The following CDC25A variants were observed in gnomAD, a reference collection of about 807,000 sequenced individuals.
CDC25A encodes the protein M-phase inducer phosphatase 1.
In CDC25A, 17 loss-of-function variants were observed where a neutral mutation model predicts 64.6. That is an observed-to-expected ratio of 0.26 (90% CI 0.18 to 0.39). CDC25A has a LOEUF of 0.39. Among genes scored for constraint, CDC25A ranks in the 10% least tolerant of loss-of-function variants. CDC25A has a pLI of 1.00. For synonymous variants in CDC25A, 229 were observed against 238.6 expected (o/e 0.96, Z 0.37); for missense variants, 473 against 654.8 (o/e 0.72, Z 3.03).
rs143224137 is a variant in CDC25A at position 48,161,842 on chromosome 3, C to T, written c.1323-2387G>A. On this transcript the variant is annotated intron_variant, in intron 13 of 14. Transcript: ENST00000302506. ...TTGGGAGGCTGAGGCGGGTAGATCA[C>T]TTGAGGTCAGGAGTTCGAGACCAGC... Among the ~76,000 whole-genome samples the T allele has an allele frequency of 3.6e-3, 543 of 152,212 alleles. 3 individuals are homozygous for T. Among genetic ancestry groups the T allele is most frequent in the African/African-American group, 0.012 (511 of 41,508 alleles).
intron 1 of CDC25A, 89 bp downstream of exon 1, chr3:48,187,689 C>A: frequency 7.6e-7 from 1 of 1,310,546 alleles, no homozygotes; most frequent in South Asian, 1.4e-5. Context: ...CGGGTCTCGC[C>A]CTTCTCCCGG....
At position 48,170,499 on chromosome 3, in the gene CDC25A, G is replaced by C. The variant is rs1225225770; in HGVS notation, c.931-2555C>G. Among the ~76,000 whole-genome samples the C allele has an allele frequency of 2.6e-5, 4 of 152,196 alleles. No individual in the cohort carries two copies. The East Asian group carries it at 7.7e-4, about 29-fold the overall frequency. On this transcript the variant is annotated intron_variant, in intron 9 of 14. Transcript: ENST00000302506. Reference sequence around the variant, plus strand: ...GAAGACATGCATAGGGTGAGGTATGGGAGAAGGGACATGGAGCTGCCATGC... The same window carrying C: ...GAAGACATGCATAGGGTGAGGTATGCGAGAAGGGACATGGAGCTGCCATGC...
intron 6 of CDC25A, 67 bp downstream of exon 6, chr3:48,180,654 G>T (rs755127153): frequency 1.3e-5 from 20 of 1,555,946 alleles, no homozygotes; most frequent in Non-Finnish European, 1.8e-5. Context: ...TTCAATTCTG[G>T]ATGAAAGAAG....
chr3:48,185,448 G>A (rs1394898917), intron 2 of CDC25A, among the ~76,000 whole-genome samples: 2 of 150,644 alleles, frequency 1.3e-5, no homozygotes, highest in African/African-American at 2.4e-5. Context: ...AAAAGGCCAG[G>A]TGCAGTAGCT....
chr3:48,185,891 T>C (rs183768633), intron 2 of CDC25A, among the ~76,000 whole-genome samples: 2 of 152,324 alleles, frequency 1.3e-5, no homozygotes, highest in Admixed American at 1.3e-4. Context: ...AGTTCTATAT[T>C]AAATTACATT....
In CDC25A at chr3:48,174,312, T is replaced by C. The variant is rs201170431; in HGVS notation, c.902A>G (p.Glu301Gly). 2 of 1,613,766 alleles carry C rather than the reference T, an allele frequency of 1.2e-6. No individual in the cohort carries two copies. Among genetic ancestry groups the C allele is most frequent in the African/African-American group, 2.7e-5 (2 of 74,908 alleles). The change falls in exon 9 of 15, where the codon GAG (glutamate) becomes GGG (glycine). Residue 301 changes from glutamate to glycine, a missense_variant. Glu to Gly is a moderately conservative substitution (Grantham distance 98, BLOSUM62 -2). This residue lies in a region of CDC25A where 376 missense variants were observed against 431.9 expected (regional missense o/e 0.87). Coordinates refer to ENST00000302506, the MANE Select transcript of CDC25A (RefSeq NM_001789.3). ...ATGGGCCTTCTCTGGATTAGTTGAC[T>C]CTTTGGGGCTGGCCCCAGACATGCT... ...RKSMSGASPKESTNPEKAHET... is the reference protein window; with the variant it reads ...RKSMSGASPKGSTNPEKAHET...
chr3:48,161,908 AAC>A (rs2031782615), intron 13 of CDC25A, among the ~76,000 whole-genome samples: 1 of 152,080 alleles, frequency 6.6e-6, no homozygotes, highest in African/African-American at 2.4e-5. Context: ...TAAAAATACA[AAC>A]ATTAGCTTGG....
intron 5 of CDC25A, chr3:48,181,756 T>C (rs2106754728): frequency 1.4e-6 from 1 of 714,340 alleles, no homozygotes; most frequent in East Asian, 2.5e-5. Flanking sequence ...ATGTTCACAT[T>C]TTAAAGTTCT....
chr3:48,165,446 G>C (rs898784888), intron 12 of CDC25A, among the ~76,000 whole-genome samples, 190 bp downstream of exon 12: 3 of 152,148 alleles, frequency 2.0e-5, no homozygotes, highest in Admixed American at 2.0e-4. Context: ...CAAGGTGGTA[G>C]AGAGTATTGC....
In CDC25A at chr3:48,187,938, C is replaced by T. The variant is rs914324994; in HGVS notation, c.10G>A (p.Gly4Ser). 1 of 1,506,002 alleles carries T rather than the reference C, an allele frequency of 6.6e-7. No homozygotes were observed. The highest frequency in any genetic ancestry group is 8.8e-7 in the Non-Finnish European group (1 of 1,131,050). 93.3% of individuals were successfully genotyped at this position (1,506,002 alleles called of 1,614,324 possible). A position where few individuals can be genotyped will look rare whatever the true frequency, so the allele number is the denominator to read the frequency against. The change falls in exon 1 of 15, where the codon GGC (glycine) becomes AGC (serine). Residue 4 changes from glycine (G) to serine (S), a missense_variant. Physicochemically the swap from Gly to Ser is moderately conservative, Grantham distance 56. Coordinates refer to ENST00000302506, the MANE Select transcript of CDC25A (RefSeq NM_001789.3). Reference sequence around the variant, plus strand: ...CGGCGGCGGTGCGGGGGCTCCGGGCCCAGTTCCATGGCGGCGCCCGGCCTC... The same window carrying T: ...CGGCGGCGGTGCGGGGGCTCCGGGCTCAGTTCCATGGCGGCGCCCGGCCTC... MEL[G>S]PEPPHRRRLL...
At chr3:48,176,517 ATG>A (rs1219755603) in intron 8 of CDC25A, among the ~76,000 whole-genome samples, 3 of 110,516 alleles carry the variant, frequency 2.7e-5, no homozygotes, top group Admixed American at 1.1e-4. Flanking sequence ...TATACTGTGT[ATG>A]TGTGTGTGTG....
In CDC25A at chr3:48,165,815, A is replaced by C. The variant is rs369133859; in HGVS notation, c.1092+16T>G. On this transcript the variant is annotated intron_variant, in intron 11 of 14. Transcript: ENST00000302506. ...AAGTACCCGATGTGTGGTGGGTTTCAAAAGGATGGACTTACAATTTCTGGA... is the reference window on the plus strand; with the variant it reads ...AAGTACCCGATGTGTGGTGGGTTTCCAAAGGATGGACTTACAATTTCTGGA... 1 of 1,605,368 alleles carries C rather than the reference A, an allele frequency of 6.2e-7. No homozygotes were observed. The highest frequency in any genetic ancestry group is 8.5e-7 in the Non-Finnish European group (1 of 1,171,962).
chr3:48,165,954 C>G (rs2031995643), intron 10 of CDC25A, 61 bp from the exon 11 acceptor site: 13 of 1,129,476 alleles, frequency 1.2e-5, no homozygotes, highest in Non-Finnish European at 1.6e-5. Flanking sequence ...CACACTTATA[C>G]TGTTTTGTCT....
intron 10 of CDC25A, among the ~76,000 whole-genome samples, chr3:48,166,898 T>C (rs1044746893): frequency 5.3e-5 from 8 of 152,268 alleles, no homozygotes; most frequent in African/African-American, 1.7e-4. Context: ...CTGAGCAACA[T>C]AGTAAGACCA....
Position 48,159,092 on chromosome 3 carries a change from G to C in CDC25A, c.1435-7C>G. ...TAGGGGGCTCACAGTAAGACTGAGG[G>C]GACAGGAGAGAATAAGGTTAGGGTA... On this transcript the variant is annotated splice_region_variant and splice_polypyrimidine_tract_variant and intron_variant, in intron 14 of 14. Coordinates refer to ENST00000302506, the MANE Select transcript of CDC25A (RefSeq NM_001789.3). The C allele has an allele frequency of 6.2e-7, 1 of 1,613,922 alleles. No homozygotes were observed. Among genetic ancestry groups the C allele is most frequent in the Non-Finnish European group, 8.5e-7 (1 of 1,179,904 alleles).
chr3:48,165,786 A>G, intron 11 of CDC25A, 45 bp downstream of exon 11: 1 of 1,589,048 alleles, frequency 6.3e-7, no homozygotes, highest in Non-Finnish European at 8.6e-7. Context: ...GGAAAACTAG[A>G]TTCAAGTACC....
chr3:48,175,917 A>G (rs1432963271), intron 8 of CDC25A, among the ~76,000 whole-genome samples: 1 of 152,216 alleles, frequency 6.6e-6, no homozygotes, highest in Non-Finnish European at 1.5e-5. Flanking sequence ...CTGTAATCCC[A>G]GCACTTTGGG....
intron 12 of CDC25A, among the ~76,000 whole-genome samples, chr3:48,164,749 C>G (rs1339031053): frequency 6.6e-6 from 1 of 152,096 alleles, no homozygotes; most frequent in Non-Finnish European, 1.5e-5. Flanking sequence ...AAGACAATGG[C>G]AAACAGTAAC....
In CDC25A at chr3:48,164,445, G is replaced by C. The variant is rs1039220330; in HGVS notation, c.1192-8C>G. On this transcript the variant is annotated splice_region_variant and splice_polypyrimidine_tract_variant and intron_variant, in intron 12 of 14. Transcript: ENST00000302506. ...GTGCAAGTTCACTGCACCCTGTGAA[G>C]ACAACAGAGACCCTTGGAACCTGCA... 1 of 1,541,432 alleles carries C rather than the reference G, an allele frequency of 6.5e-7. No individual in the cohort carries two copies.
Sources: allele counts gnomAD v4.1 joint callset (sites outside exome capture counted in the v4.1 genomes callset), GRCh38; gene constraint gnomAD v4.1.1; regional missense constraint gnomAD v4.1.1; transcripts MANE v1.5; gene names NCBI Gene and HGNC (gene_info 2026-07-23, HGNC 2026-07-21).